Variants in WDR27 observed in about 807,000 individuals in gnomAD.
WDR27 encodes WD repeat domain 27, also known as WD repeat-containing protein 27.
Under a neutral mutation model 114.4 loss-of-function variants are expected in WDR27, and 100 were observed. The observed-to-expected ratio is 0.87, with a 90% CI of 0.74 to 1.03. The LOEUF is 1.03. WDR27 is among the 50% of genes least tolerant of loss of function. WDR27 has a pLI of 0.00. For synonymous variants in WDR27, 449 were observed against 423.1 expected, an observed-to-expected ratio of 1.06 and a Z score of -0.75; for missense variants, 1,129 against 1,092.9, an observed-to-expected ratio of 1.03 and a Z score of -0.47.
At chr6:169,607,210 C>T (rs910046544) in intron 22 of WDR27, among the ~76,000 whole-genome samples, 5 of 151,982 alleles carry the variant, frequency 3.3e-5, no homozygotes, top group African/African-American at 1.2e-4. Context: ...ATATAACTAC[C>T]GTTCATTTCA....
At chr6:169,580,551 G>T (rs1437649588) in intron 24 of WDR27, among the ~76,000 whole-genome samples, 1 of 152,108 alleles carries the variant, frequency 6.6e-6, no homozygotes, top group Non-Finnish European at 1.5e-5. Context: ...CATCCCACGT[G>T]CTTCTTTATC....
chr6:169,479,871 T>G (rs989852079), intron 25 of WDR27, among the ~76,000 whole-genome samples: 1 of 152,198 alleles, frequency 6.6e-6, no homozygotes, highest in Non-Finnish European at 1.5e-5. Flanking sequence ...TTCTGAGAGG[T>G]GACAATGTGC....
At chr6:169,617,920 T>C (rs1042260826) in intron 21 of WDR27, among the ~76,000 whole-genome samples, 4 of 152,174 alleles carry the variant, frequency 2.6e-5, no homozygotes, top group Non-Finnish European at 5.9e-5. Flanking sequence ...AGAAAATGAT[T>C]TGGGGGCTGT....
chr6:169,636,564 T>C, intron 18 of WDR27, 60 bp from the exon 19 acceptor site: 2 of 1,478,034 alleles, frequency 1.4e-6, no homozygotes, highest in Non-Finnish European at 1.8e-6. Context: ...ACACTATTGC[T>C]CTAAACATAA....
rs368312203 is a variant in WDR27 at position 169,670,182 on chromosome 6, A to G, written c.456+387T>C. The G allele has an allele frequency of 1.1e-3, 185 of 164,048 alleles. 3 individuals carry two copies. In the South Asian group the frequency reaches 0.023, roughly 21 times the overall value. 10.2% of individuals were successfully genotyped at this position (164,048 alleles called of 1,614,324 possible). A position where few individuals can be genotyped will look rare whatever the true frequency, so the allele number is the denominator to read the frequency against. On this transcript the variant is annotated intron_variant, in intron 4 of 25. Coordinates refer to ENST00000448612, the MANE Select transcript of WDR27 (RefSeq NM_182552.5). Reference sequence around the variant, plus strand: ...AGGAAGAGGTGACACATTTCCTTTAACTAACCCTGGTGGGAAAAGTCTGAT... The same window carrying G: ...AGGAAGAGGTGACACATTTCCTTTAGCTAACCCTGGTGGGAAAAGTCTGAT...
intron 2 of WDR27, among the ~76,000 whole-genome samples, chr6:169,673,183 T>G (rs188302301): frequency 6.6e-6 from 1 of 152,250 alleles, no homozygotes; most frequent in East Asian, 1.9e-4. Flanking sequence ...GTTAAAAACC[T>G]AGGCGAACAA....
intron 1 of WDR27, among the ~76,000 whole-genome samples, chr6:169,689,593 C>A (rs1261634311): frequency 6.6e-6 from 1 of 152,196 alleles, no homozygotes; most frequent in African/African-American, 2.4e-5. Context: ...GGCTATGTTT[C>A]GTAAAGCATA....
At chr6:169,612,152 C>T (rs1465039307) in intron 22 of WDR27, among the ~76,000 whole-genome samples, 1 of 151,600 alleles carries the variant, frequency 6.6e-6, no homozygotes, top group Non-Finnish European at 1.5e-5. Flanking sequence ...ACCAAACAGG[C>T]TGGGCACGGT....
rs577643088 is a variant in WDR27 at position 169,701,202 on chromosome 6, G to T, written c.-8+349C>A. Among the ~76,000 whole-genome samples, 11 of 152,240 alleles carry T rather than the reference G, an allele frequency of 7.2e-5. No individual in the cohort carries two copies. The South Asian group carries it at 2.1e-3, about 29-fold the overall frequency. ...AGGAGTACCACTGATAAAATCCTGT[G>T]CATTTCCGTTTTTTTAATGTACATA... On this transcript the variant is annotated intron_variant, in intron 1 of 25. Coordinates refer to ENST00000448612, the MANE Select transcript of WDR27 (RefSeq NM_182552.5).
chr6:169,686,388 T>A lies in WDR27; in HGVS notation c.189+2429A>T, dbSNP rs542212149. The stretch of plus-strand genomic sequence containing the variant: ...AGATATACAACTAGAAAACAATCAA[T>A]AAAATGACAGGAATGAGTACTTACC... On this transcript the variant is annotated intron_variant, in intron 2 of 25. Coordinates refer to ENST00000448612, the MANE Select transcript of WDR27 (RefSeq NM_182552.5). Among the ~76,000 whole-genome samples the A allele has an allele frequency of 1.2e-3, 187 of 152,012 alleles. 4 individuals carry two copies. In the South Asian group the frequency reaches 0.013, roughly 11 times the overall value.
chr6:169,577,567 C>T (rs1473055078), intron 24 of WDR27, among the ~76,000 whole-genome samples: 1 of 152,116 alleles, frequency 6.6e-6, no homozygotes, highest in African/African-American at 2.4e-5. Context: ...GAACTCGGCC[C>T]CGAAGCAGGA....
intron 24 of WDR27, among the ~76,000 whole-genome samples, chr6:169,576,083 T>C (rs1802283470): frequency 6.6e-6 from 1 of 152,234 alleles, no homozygotes; most frequent in Non-Finnish European, 1.5e-5. Flanking sequence ...CTTTAGATAC[T>C]TCTATAGACA....
intron 16 of WDR27, among the ~76,000 whole-genome samples, chr6:169,645,957 C>T (rs1285162586): frequency 6.6e-6 from 1 of 151,832 alleles, no homozygotes; most frequent in Admixed American, 6.6e-5. Context: ...TGTAGGAAAT[C>T]CTAGTTCATA....
chr6:169,572,126 T>C (rs1039498144), intron 25 of WDR27, among the ~76,000 whole-genome samples: 6 of 152,000 alleles, frequency 3.9e-5, no homozygotes, highest in Non-Finnish European at 5.9e-5. Context: ...AGAGGAAACA[T>C]ATAGTGTAAA....
chr6:169,506,905 T>C (rs938623580), intron 25 of WDR27, among the ~76,000 whole-genome samples: 3 of 152,232 alleles, frequency 2.0e-5, no homozygotes, highest in Admixed American at 6.5e-5. Flanking sequence ...AATGTGTACC[T>C]TTATTAAATG....
intron 17 of WDR27, among the ~76,000 whole-genome samples, chr6:169,641,357 G>A (rs1331569832): frequency 6.6e-6 from 1 of 152,198 alleles, no homozygotes; most frequent in East Asian, 1.9e-4. Flanking sequence ...AGGTGCCCAT[G>A]GGGGACCACA....
chr6:169,564,926 C>G (rs746762211), intron 25 of WDR27, among the ~76,000 whole-genome samples: 2 of 152,234 alleles, frequency 1.3e-5, no homozygotes, highest in African/African-American at 2.4e-5. Context: ...CACGCAACCA[C>G]AGGTGCAGAA....
At chr6:169,651,640 C>A (rs555641037) in intron 14 of WDR27, among the ~76,000 whole-genome samples, 1 of 152,140 alleles carries the variant, frequency 6.6e-6, no homozygotes, top group Admixed American at 6.5e-5. Flanking sequence ...CAGCCCCACA[C>A]CCCACCAGCT....
intron 1 of WDR27, among the ~76,000 whole-genome samples, chr6:169,701,124 G>A (rs952896972): frequency 6.6e-6 from 1 of 152,158 alleles, no homozygotes; most frequent in Non-Finnish European, 1.5e-5. Context: ...AGCAGTGTGT[G>A]TAAATTGTAG....
Sources: allele counts gnomAD v4.1 joint callset (sites outside exome capture counted in the v4.1 genomes callset), GRCh38; gene constraint gnomAD v4.1.1; transcripts MANE v1.5; gene names NCBI Gene and HGNC (gene_info 2026-07-23, HGNC 2026-07-21).